SELENOO: variants seen among roughly 807,000 people sequenced by gnomAD.
The protein encoded by SELENOO is protein adenylyltransferase SelO, mitochondrial.
A neutral mutation model predicts 58.7 loss-of-function variants in SELENOO; 74 were observed. The observed-to-expected ratio is 1.26, with a 90% CI of 1.04 to 1.53. SELENOO has a LOEUF of 1.53. Among genes scored for constraint, SELENOO ranks in the 40% most tolerant of loss-of-function variants. The pLI is 0.00. For synonymous variants in SELENOO, 543 were observed against 453.2 expected, an observed-to-expected ratio of 1.20 and a Z score of -2.52; for missense variants, 1,149 against 970.0, an observed-to-expected ratio of 1.18 and a Z score of -2.45.
chr22:50,215,041 T>C (rs975604128), intron 5 of SELENOO, among the ~76,000 whole-genome samples: 1 of 152,222 alleles, frequency 6.6e-6, no homozygotes, highest in African/African-American at 2.4e-5. Context: ...TACCTTTGTG[T>C]GTAGTCGACT....
chr22:50,203,694 A>T (rs2064315765), intron 1 of SELENOO, among the ~76,000 whole-genome samples: 1 of 152,226 alleles, frequency 6.6e-6, no homozygotes, highest in Non-Finnish European at 1.5e-5. Context: ...CCTTAACTAC[A>T]CCATGAACGA....
chr22:50,201,140 G>A lies in SELENOO; in HGVS notation c.104G>A (p.Gly35Asp). 1 of 1,302,324 alleles carries A rather than the reference G, an allele frequency of 7.7e-7. No homozygotes were observed. Among genetic ancestry groups the A allele is most frequent in the South Asian group, 2.2e-5 (1 of 45,040 alleles). The allele number at this position is 1,302,324 out of a possible 1,614,324, so 80.7% of individuals were successfully genotyped here. ...PSPAPRSTLS[G>D]AAMEPAPRWL... is the part of the protein sequence containing the mutation. The stretch of plus-strand genomic sequence containing the variant: ...CCGGCGCCCCGCTCTACGTTGTCGG[G>A]CGCCGCCATGGAGCCCGCGCCTCGC... The change falls in exon 1 of 9, where the codon GGC becomes GAC. Residue 35 changes from glycine (G) to aspartate (D), a missense_variant. Gly to Asp is a moderately conservative substitution (Grantham distance 94). Transcript: ENST00000380903.
intron 2 of SELENOO, among the ~76,000 whole-genome samples, chr22:50,208,155 G>C (rs1014676237): frequency 3.3e-5 from 5 of 152,156 alleles, no homozygotes; most frequent in Non-Finnish European, 7.4e-5. Flanking sequence ...CAACAGGCCA[G>C]GCGCGGTGGC....
rs2064299075 is a variant in SELENOO at position 50,201,396 on chromosome 22, C to A, written c.360C>A (p.Ala120=). The change falls in exon 1 of 9, where the codon GCC becomes GCA. Residue 120 remains alanine, a synonymous_variant. Coordinates refer to ENST00000380903, the MANE Select transcript of SELENOO (RefSeq NM_031454.2). ...CCGCGCGCGAGGCCGAGGCCGAGGC[C>A]GCGCTGTTCTTCAGCGGCAACGCGC... is the stretch of plus-strand genomic sequence containing the variant. The part of the protein sequence containing the change: ...APPAREAEAE[A]ALFFSGNALL... 3 of 1,302,746 alleles carry A rather than the reference C, an allele frequency of 2.3e-6. No homozygotes were observed. The East Asian group carries it at 1.0e-4, about 44-fold the overall frequency. The allele number at this position is 1,302,746 out of a possible 1,614,324, so 80.7% of individuals were successfully genotyped here. A position where few individuals can be genotyped will look rare whatever the true frequency, so the allele number is the denominator to read the frequency against.
chr22:50,215,195 C>T (rs1478345198), intron 5 of SELENOO, among the ~76,000 whole-genome samples: 1 of 152,184 alleles, frequency 6.6e-6, no homozygotes, highest in Non-Finnish European at 1.5e-5. Flanking sequence ...AGGCGGGTTA[C>T]AGCAGCTTCT....
At chr22:50,201,652 G>T (rs2064302278) in intron 1 of SELENOO, 62 bp downstream of exon 1, 1 of 1,162,996 alleles carries the variant, frequency 8.6e-7, no homozygotes, top group Non-Finnish European at 1.1e-6. Context: ...CCTTCCCTCC[G>T]CCCGGCGCGG....
rs1267894374 is a variant in SELENOO at position 50,201,581 on chromosome 22, C to T, written c.545C>T (p.Pro182Leu). The T allele has an allele frequency of 7.6e-7, 1 of 1,320,748 alleles. No homozygotes were observed. Among genetic ancestry groups the T allele is most frequent in the African/African-American group, 1.5e-5 (1 of 65,256 alleles). 81.8% of individuals were successfully genotyped at this position (1,320,748 alleles called of 1,614,324 possible). Residue 182 changes from proline (P) to leucine (L), a missense_variant, in exon 1 of 9, where the codon CCC (proline) becomes CTC (leucine). Physicochemically the swap from Pro to Leu is moderately conservative, Grantham distance 98. Coordinates refer to ENST00000380903, the MANE Select transcript of SELENOO (RefSeq NM_031454.2). ...CAGCTCAAGGGCGCCGGGCCCACGC[C>T]CTTCTCCAGGTGGGCCGGGGCGGGC... is the stretch of plus-strand genomic sequence containing the variant. ...ELQLKGAGPTPFSRQADGRKV... is the reference protein window; with the variant it reads ...ELQLKGAGPTLFSRQADGRKV...
At position 50,210,900 on chromosome 22, in the gene SELENOO, T is replaced by C. The variant is rs557416758; in HGVS notation, c.1340T>C (p.Met447Thr). The C allele has an allele frequency of 9.2e-5, 149 of 1,614,040 alleles. 2 individuals carry two copies. The South Asian group carries it at 1.4e-3, about 15-fold the overall frequency. Residue 447 changes from methionine to threonine, a missense_variant, in exon 5 of 9, where the codon ATG (methionine) becomes ACG (threonine). Met to Thr is a moderately conservative substitution (Grantham distance 81, BLOSUM62 -1). Transcript: ENST00000380903. Reference protein sequence around the residue: ...GALVSKLLETMHLTGADFTNT... With the variant: ...GALVSKLLETTHLTGADFTNT... ...CTGGTGTCCAAGCTCCTGGAGACCATGCATCTGACCGGTGAGTGACCCAGC... is the reference window on the plus strand; with the variant it reads ...CTGGTGTCCAAGCTCCTGGAGACCACGCATCTGACCGGTGAGTGACCCAGC...
chr22:50,208,442 A>G (rs1367877703), intron 2 of SELENOO, 94 bp from the exon 3 acceptor site: 6 of 1,245,332 alleles, frequency 4.8e-6, no homozygotes, highest in African/African-American at 1.5e-5. Flanking sequence ...AAAAAAAAAA[A>G]AAAATAGCCA....
intron 1 of SELENOO, among the ~76,000 whole-genome samples, chr22:50,202,027 G>C (rs1442205325): frequency 1.3e-5 from 2 of 152,204 alleles, no homozygotes; most frequent in Non-Finnish European, 1.5e-5. Flanking sequence ...GCATCGTTTA[G>C]ATTTCTGTGG....
chr22:50,214,208 T>C (rs2064390633), intron 5 of SELENOO, among the ~76,000 whole-genome samples: 1 of 152,184 alleles, frequency 6.6e-6, no homozygotes, highest in Admixed American at 6.6e-5. Context: ...GTGGCACAGC[T>C]GCGGCTCACT....
chr22:50,215,204 C>T (rs1489111256), intron 5 of SELENOO, among the ~76,000 whole-genome samples: 1 of 152,202 alleles, frequency 6.6e-6, no homozygotes, highest in African/African-American at 2.4e-5. Context: ...ACAGCAGCTT[C>T]TCAACACTCG....
intron 1 of SELENOO, among the ~76,000 whole-genome samples, chr22:50,203,639 G>A (rs2064315485): frequency 6.6e-6 from 1 of 152,188 alleles, no homozygotes; most frequent in African/African-American, 2.4e-5. Flanking sequence ...TTCAACAAAT[G>A]GTGCTGGGAA....
At chr22:50,201,890 C>T (rs1276497239) in intron 1 of SELENOO, among the ~76,000 whole-genome samples, 1 of 152,372 alleles carries the variant, frequency 6.6e-6, no homozygotes, top group East Asian at 1.9e-4. Context: ...CCGCAGGTCC[C>T]CAGCCTTCCT....
At chr22:50,208,757 TG>T (rs1271707383) in intron 3 of SELENOO, 41 bp downstream of exon 3, 1 of 1,579,000 alleles carries the variant, frequency 6.3e-7, no homozygotes, top group African/African-American at 1.3e-5. Context: ...GGGTGGATGC[TG>T]GGTGTCCCCA....
chr22:50,201,654 C>T lies in SELENOO; in HGVS notation c.554+64C>T, dbSNP rs2064302321. 2.6e-6 allele frequency: 3 copies of T among 1,166,074 alleles called. No homozygotes were observed. In the East Asian group the frequency reaches 1.0e-4, roughly 40 times the overall value. 72.2% of individuals were successfully genotyped at this position (1,166,074 alleles called of 1,614,324 possible). A position where few individuals can be genotyped will look rare whatever the true frequency, so the allele number is the denominator to read the frequency against. On this transcript the variant is annotated intron_variant, in intron 1 of 8. Transcript: ENST00000380903. ...CCGCCGGGGCGCCCCTTCCCTCCGC[C>T]CGGCGCGGTGTTGGGGGCGTCCGGC...
At chr22:50,206,990 T>C (rs1449712124) in intron 2 of SELENOO, among the ~76,000 whole-genome samples, 1 of 152,158 alleles carries the variant, frequency 6.6e-6, no homozygotes, top group Non-Finnish European at 1.5e-5. Context: ...ACTGAGGAAA[T>C]GGCCACTGAA....
chr22:50,206,073 T>G (rs984561721), intron 1 of SELENOO: 4 of 577,374 alleles, frequency 6.9e-6, no homozygotes, highest in African/African-American at 1.9e-5. Flanking sequence ...GACGGGCTGC[T>G]GCGTGTGTTC....
intron 5 of SELENOO, among the ~76,000 whole-genome samples, chr22:50,215,157 A>C (rs2064396759): frequency 6.6e-6 from 1 of 152,196 alleles, no homozygotes; most frequent in Non-Finnish European, 1.5e-5. Flanking sequence ...GGAGGATCGC[A>C]GTGTCTGTCA....
Sources: allele counts gnomAD v4.1 joint callset (sites outside exome capture counted in the v4.1 genomes callset), GRCh38; gene constraint gnomAD v4.1.1; transcripts MANE v1.5; gene names NCBI Gene and HGNC (gene_info 2026-07-23, HGNC 2026-07-21).